Variants in BMPR1A observed in about 807,000 individuals in gnomAD.
BMPR1A encodes bone morphogenetic protein receptor type 1A.
A neutral mutation model predicts 66.0 loss-of-function variants in BMPR1A; 7 were observed. That is an observed-to-expected ratio of 0.11 (90% CI 0.06 to 0.20). The LOEUF (loss-of-function observed/expected upper bound fraction) is 0.20, where lower values mean the gene tolerates loss of function less well. Among genes scored for constraint, BMPR1A ranks in the 10% least tolerant of loss-of-function variants. The probability of loss-of-function intolerance (pLI) is 1.00; values close to 1 mark genes in which losing one functional copy is unlikely to be tolerated. For synonymous variants in BMPR1A, 200 were observed against 229.7 expected, an observed-to-expected ratio of 0.87 and a Z score of 1.17; for missense variants, 408 against 669.1, an observed-to-expected ratio of 0.61 and a Z score of 4.31.
At chr10:86,793,094 A>ACCCTCCCCCCCCCCCC (rs1841653275) in intron 1 of BMPR1A, among the ~76,000 whole-genome samples, 1 of 106,032 alleles carries the variant, frequency 9.4e-6, no homozygotes, top group African/African-American at 3.6e-5. Flanking sequence ...CCTGATCTAT[A>ACCCTCCCCCCCCCCCC]CCCCCCCCCA....
chr10:86,770,559 G>A (rs1455063249), intron 1 of BMPR1A, among the ~76,000 whole-genome samples: 1 of 152,136 alleles, frequency 6.6e-6, no homozygotes, highest in Admixed American at 6.5e-5. Flanking sequence ...AGACAGTGTA[G>A]TCAGTATTAG....
chr10:86,892,214 T>G lies in BMPR1A; in HGVS notation c.318T>G (p.Ser106=). 8 of 1,613,100 alleles carry G rather than the reference T, an allele frequency of 5.0e-6. No individual in the cohort carries two copies. The South Asian group carries it at 8.8e-5, about 18-fold the overall frequency. The change falls in exon 5 of 13, where the codon TCT becomes TCG. Residue 106 remains serine, a synonymous_variant. Coordinates refer to ENST00000372037, the MANE Select transcript of BMPR1A (RefSeq NM_004329.3). The part of the protein sequence containing the change: ...LASGCMKYEG[S]DFQCKDSPKA... ...CAGGGTGTATGAAATATGAAGGATC[T>G]GATTTTCAGTGCAAAGTAAGATATA...
At chr10:86,920,750 A>G (rs1021592489) in intron 10 of BMPR1A, among the ~76,000 whole-genome samples, 3 of 152,094 alleles carry the variant, frequency 2.0e-5, no homozygotes, top group African/African-American at 7.2e-5. Flanking sequence ...GCCTTAGTGT[A>G]TCATATGAGA....
intron 11 of BMPR1A, 76 bp downstream of exon 11, chr10:86,921,771 T>C: frequency 2.5e-6 from 4 of 1,597,252 alleles, no homozygotes; most frequent in South Asian, 1.1e-5. Context: ...TATATAACTT[T>C]TTAGTTTTTA....
At chr10:86,840,927 C>A (rs568203095) in intron 2 of BMPR1A, among the ~76,000 whole-genome samples, 1 of 152,346 alleles carries the variant, frequency 6.6e-6, no homozygotes, top group South Asian at 2.1e-4. Context: ...TTACATCTCA[C>A]TGAAAATATT....
intron 2 of BMPR1A, among the ~76,000 whole-genome samples, chr10:86,870,148 T>C (rs1353384103): frequency 6.6e-6 from 1 of 152,206 alleles, no homozygotes. Context: ...TGGAAGGCCA[T>C]CTCCAGAGTC....
chr10:86,925,544 CA>C lies in BMPR1A; in HGVS notation c.*1826del, dbSNP rs1843727798. 5.0e-6 allele frequency: 1 copy of C among 200,296 alleles called. No homozygotes were observed. Among genetic ancestry groups the C allele is most frequent in the African/African-American group, 2.3e-5 (1 of 43,438 alleles). 12.4% of individuals were successfully genotyped at this position (200,296 alleles called of 1,614,324 possible). A position where few individuals can be genotyped will look rare whatever the true frequency, so the allele number is the denominator to read the frequency against. ...GTGTTCATCAAGATAAGTAAATTTG[CA>C]TATGGATAATACCCAATAACTTGTT... On this transcript the variant is annotated 3_prime_UTR_variant, in exon 13 of 13. Coordinates refer to ENST00000372037, the MANE Select transcript of BMPR1A (RefSeq NM_004329.3).
intron 1 of BMPR1A, among the ~76,000 whole-genome samples, chr10:86,759,316 A>C (rs527868902): frequency 2.0e-5 from 3 of 152,226 alleles, no homozygotes; most frequent in Admixed American, 6.5e-5. Context: ...ACTTTTCTCT[A>C]TGTCTCTAGT....
chr10:86,903,596 A>T (rs1843342307), intron 7 of BMPR1A, among the ~76,000 whole-genome samples: 1 of 150,460 alleles, frequency 6.6e-6, no homozygotes, highest in Non-Finnish European at 1.5e-5. Context: ...ATCTATTATT[A>T]TTATTTTTAT....
intron 1 of BMPR1A, among the ~76,000 whole-genome samples, chr10:86,774,620 C>T (rs1247724978): frequency 2.6e-5 from 4 of 152,164 alleles, no homozygotes; most frequent in African/African-American, 4.8e-5. Context: ...CAAGCAAAAT[C>T]AGACAAGGAT....
chr10:86,875,999 G>A lies in BMPR1A; in HGVS notation c.-20G>A, dbSNP rs528738896. On this transcript the variant is annotated 5_prime_UTR_variant, in exon 3 of 13. Transcript: ENST00000372037. Reference sequence around the variant, plus strand: ...CAATTATTAAAGGTGACAGTACACAGGAAACATTACAATTGAACAATGCCT... The same window carrying A: ...CAATTATTAAAGGTGACAGTACACAAGAAACATTACAATTGAACAATGCCT... The A allele has an allele frequency of 1.1e-5, 17 of 1,584,960 alleles. No individual in the cohort carries two copies. In the African/African-American group the frequency reaches 1.6e-4, roughly 15 times the overall value.
At chr10:86,813,752 T>A (rs1841999994) in intron 1 of BMPR1A, among the ~76,000 whole-genome samples, 1 of 152,196 alleles carries the variant, frequency 6.6e-6, no homozygotes, top group African/African-American at 2.4e-5. Context: ...TCTTCGTCCC[T>A]GTGTAGTCGA....
chr10:86,847,966 C>T (rs1465487616), intron 2 of BMPR1A, among the ~76,000 whole-genome samples: 1 of 150,766 alleles, frequency 6.6e-6, no homozygotes. Context: ...GAGTCTCCAT[C>T]TGTCGCCCAA....
chr10:86,839,630 G>C (rs1458231942), intron 2 of BMPR1A, among the ~76,000 whole-genome samples: 1 of 147,460 alleles, frequency 6.8e-6, no homozygotes, highest in Non-Finnish European at 1.5e-5. Flanking sequence ...ATTGAAAAAT[G>C]AATGTTTATG....
intron 1 of BMPR1A, among the ~76,000 whole-genome samples, chr10:86,809,595 C>CTTTT (rs71019431): frequency 1.0e-4 from 13 of 123,878 alleles, no homozygotes; most frequent in African/African-American, 3.8e-4. Context: ...CACCCGACCT[C>CTTTT]TTTTTTTTTT....
intron 1 of BMPR1A, among the ~76,000 whole-genome samples, chr10:86,770,442 G>A (rs1222459594): frequency 1.3e-5 from 2 of 152,196 alleles, no homozygotes; most frequent in African/African-American, 2.4e-5. Context: ...AATGGAGGGT[G>A]AGCTGAAGCA....
At chr10:86,757,544 G>A in intron 1 of BMPR1A, among the ~76,000 whole-genome samples, 1 of 151,184 alleles carries the variant, frequency 6.6e-6, no homozygotes, top group Non-Finnish European at 1.5e-5. Context: ...ATTTGGCAAG[G>A]AAAAAAAAAT....
intron 3 of BMPR1A, among the ~76,000 whole-genome samples, chr10:86,885,103 T>C (rs747008221): frequency 3.9e-5 from 6 of 152,226 alleles, no homozygotes; most frequent in Admixed American, 1.3e-4. Flanking sequence ...GACAGAACTT[T>C]GTTTGGTGAT....
intron 1 of BMPR1A, among the ~76,000 whole-genome samples, chr10:86,826,648 A>G (rs953212794): frequency 3.3e-5 from 5 of 152,166 alleles, no homozygotes; most frequent in Non-Finnish European, 7.3e-5. Context: ...TATAGATGGC[A>G]TTAATTTTCC....
Sources: gnomAD v4.1 joint callset for allele counts (sites outside exome capture counted in the v4.1 genomes callset) on GRCh38, gnomAD v4.1.1 for gene constraint, MANE v1.5 for transcripts, NCBI Gene and HGNC (gene_info 2026-07-23, HGNC 2026-07-21) for gene names.